BRF1: variants seen among roughly 807,000 people sequenced by gnomAD.
BRF1 encodes transcription factor IIIB 90 kDa subunit.
A neutral mutation model predicts 81.7 loss-of-function variants in BRF1; 59 were observed. That is an observed-to-expected ratio of 0.72 (90% confidence interval 0.59 to 0.90). BRF1 has a LOEUF of 0.90. BRF1 is among the 40% of genes least tolerant of loss of function. BRF1 has a pLI of 0.00. For missense variants in BRF1, 1,050 were observed against 936.3 expected, an observed-to-expected ratio of 1.12 and a Z score of -1.58; for synonymous variants, 491 against 395.6, an observed-to-expected ratio of 1.24 and a Z score of -2.86.
intron 1 of BRF1, among the ~76,000 whole-genome samples, chr14:105,288,280 C>CT (rs2057389044): frequency 6.6e-6 from 1 of 152,026 alleles, no homozygotes; most frequent in African/African-American, 2.4e-5. Context: ...TGGTGAAACT[C>CT]TGTCTCTACT....
chr14:105,256,306 T>G, intron 4 of BRF1: 1 of 1,547,640 alleles, frequency 6.5e-7, no homozygotes, highest in Non-Finnish European at 8.7e-7. Context: ...CCTCCTGCCA[T>G]GGAGACCCAC....
intron 6 of BRF1, among the ~76,000 whole-genome samples, chr14:105,229,315 C>G (rs587705734): frequency 6.6e-6 from 1 of 152,112 alleles, no homozygotes; most frequent in African/African-American, 2.4e-5. Context: ...CACAGGTTCA[C>G]CAAGGCCACA....
intron 7 of BRF1, chr14:105,226,967 A>T (rs1403144177): frequency 1.7e-6 from 1 of 604,106 alleles, no homozygotes; most frequent in Non-Finnish European, 2.7e-6. Flanking sequence ...AAAAAAAATT[A>T]GCCACGCATG....
chr14:105,243,461 A>T (rs919977266), intron 5 of BRF1, among the ~76,000 whole-genome samples: 19 of 136,604 alleles, frequency 1.4e-4, no homozygotes, highest in South Asian at 2.4e-4. Flanking sequence ...TCTTAAAAAA[A>T]AAAAAATAAA....
At chr14:105,289,784 T>C (rs1047169516) in intron 1 of BRF1, among the ~76,000 whole-genome samples, 7 of 152,180 alleles carry the variant, frequency 4.6e-5, no homozygotes, top group Non-Finnish European at 1.0e-4. Flanking sequence ...TACAGGTGCG[T>C]GCCACCACGC....
intron 2 of BRF1, among the ~76,000 whole-genome samples, chr14:105,274,495 G>T (rs587606676): frequency 2.6e-5 from 4 of 152,302 alleles, no homozygotes; most frequent in African/African-American, 9.6e-5. Context: ...GGCATGCCCA[G>T]CAGACCGGAG....
chr14:105,314,703 C>CGCGGGGCGCGG (rs931492235), intron 1 of BRF1: 5 of 140,480 alleles, frequency 3.6e-5, no homozygotes, highest in South Asian at 2.2e-4. Context: ...GCCGGGGGCG[C>CGCGGGGCGCGG]GCGGGGCGCG....
At chr14:105,249,560 C>G in intron 5 of BRF1, 2 of 1,589,020 alleles carry the variant, frequency 1.3e-6, no homozygotes, top group Non-Finnish European at 1.7e-6. Context: ...CACACAGGAG[C>G]TGATGGACTC....
intron 2 of BRF1, among the ~76,000 whole-genome samples, chr14:105,280,385 T>A (rs899441897): frequency 2.0e-5 from 3 of 152,162 alleles, no homozygotes; most frequent in African/African-American, 7.2e-5. Context: ...GAGGGATGAA[T>A]GGGTGGAGCT....
chr14:105,305,638 C>T (rs945233121), upstream of BRF1, among the ~76,000 whole-genome samples: 5 of 152,166 alleles, frequency 3.3e-5, no homozygotes, highest in African/African-American at 4.8e-5. Flanking sequence ...ACGCTCCCCA[C>T]GTGATGTGAA....
intron 5 of BRF1, among the ~76,000 whole-genome samples, chr14:105,246,591 TC>T (rs2055125791): frequency 6.6e-6 from 1 of 152,074 alleles, no homozygotes; most frequent in Non-Finnish European, 1.5e-5. Flanking sequence ...TTCCTTGGCC[TC>T]CCGAATAGCT....
At chr14:105,211,719 G>A (rs587595956) in intron 16 of BRF1, 31 of 343,620 alleles carry the variant, frequency 9.0e-5, no homozygotes, top group African/African-American at 5.0e-4. Context: ...CTTCACCCTC[G>A]TTTCCTGGGC....
intron 4 of BRF1, among the ~76,000 whole-genome samples, chr14:105,253,580 C>A (rs587700380): frequency 2.0e-5 from 3 of 152,216 alleles, no homozygotes; most frequent in Non-Finnish European, 2.9e-5. Flanking sequence ...CCTAAGGGAC[C>A]GCACACAAAG....
At chr14:105,249,355 CCCAGTA>C in intron 5 of BRF1, 1 of 1,609,936 alleles carries the variant, frequency 6.2e-7, no homozygotes, top group East Asian at 2.2e-5. Flanking sequence ...GCTTTCTCCT[CCCAGTA>C]CGTCTTGGCT....
At chr14:105,294,647 A>G (rs1408460256) in intron 1 of BRF1, among the ~76,000 whole-genome samples, 2 of 152,214 alleles carry the variant, frequency 1.3e-5, no homozygotes, top group African/African-American at 4.8e-5. Flanking sequence ...GAGAAAACTC[A>G]ATGAAGCCCA....
chr14:105,247,362 G>A, intron 5 of BRF1: 1 of 985,472 alleles, frequency 1.0e-6, no homozygotes, highest in Non-Finnish European at 1.2e-6. Flanking sequence ...GCCGCCTGGG[G>A]GCTCGGGCAC....
chr14:105,261,612 T>TA (rs1408219733), intron 3 of BRF1, among the ~76,000 whole-genome samples: 1 of 152,096 alleles, frequency 6.6e-6, no homozygotes, highest in East Asian at 1.9e-4. Context: ...AACTAAAACT[T>TA]AAAAAAACAA....
Position 105,226,732 on chromosome 14 carries a change from T to C in BRF1, c.817A>G (p.Ser273Gly), listed in dbSNP as rs1427255961. ...RLTEFEDTPT[S>G]QLTIDEFMKI... ...ATGAACTCATCAATGGTCAACTGAC[T>C]GGTGGGGGTGTCTTCAAATTCCGTG... The change falls in exon 8 of 18, where the codon AGT becomes GGT. Residue 273 changes from serine (S) to glycine (G), a missense_variant. Physicochemically the swap from Ser to Gly is moderately conservative, Grantham distance 56. Coordinates refer to ENST00000547530, the MANE Select transcript of BRF1 (RefSeq NM_001519.4). 7 of 1,613,612 alleles carry C rather than the reference T, an allele frequency of 4.3e-6. No individual in the cohort carries two copies. The highest frequency in any genetic ancestry group is 1.3e-5 in the African/African-American group (1 of 74,940).
chr14:105,210,751 T>TC lies in BRF1; in HGVS notation c.1997-164dup, dbSNP rs879328843. ...GAGCCATCTTGGGCTCCTCTCCACC[T>TC]CCCGGGACTGGCATGCACCCAGAGC... is the stretch of plus-strand genomic sequence containing the variant. On this transcript the variant is annotated intron_variant, in intron 17 of 17. Transcript: ENST00000547530. The surrounding 1 kb of genome is among the most constrained non-coding windows in gnomAD (Gnocchi z 4.7). 2.9e-5 allele frequency among the ~76,000 whole-genome samples: 4 copies of TC among 138,104 alleles called. No individual in the cohort carries two copies. Among genetic ancestry groups the TC allele is most frequent in the Non-Finnish European group, 6.2e-5 (4 of 64,278 alleles). The allele number at this position is 138,104 out of a possible 152,430, so 90.6% of individuals were successfully genotyped here. A position where few individuals can be genotyped will look rare whatever the true frequency, so the allele number is the denominator to read the frequency against.
Sources: allele counts gnomAD v4.1 joint callset (sites outside exome capture counted in the v4.1 genomes callset), GRCh38; gene constraint gnomAD v4.1.1; non-coding constraint Gnocchi (gnomAD v3.1); transcripts MANE v1.5; gene names NCBI Gene and HGNC (gene_info 2026-07-23, HGNC 2026-07-21).